The following SLIT3 variants were observed in gnomAD, a reference collection of about 807,000 sequenced individuals.
SLIT3 encodes the protein slit homolog 3 protein.
In SLIT3, 68 loss-of-function variants were observed where a neutral mutation model predicts 184.0. The ratio of observed to expected loss-of-function variants is 0.37; its 90% CI spans 0.30 to 0.45. The LOEUF (loss-of-function observed/expected upper bound fraction) is 0.45. Ranked by LOEUF, SLIT3 falls within the 20% of genes least tolerant of loss-of-function variation. The pLI, the probability that SLIT3 is intolerant of heterozygous loss-of-function variation, is 1.00. For missense variants in SLIT3, 1,707 were observed against 2,026.0 expected (o/e 0.84, Z 3.02); for synonymous variants, 831 against 828.6 (o/e 1.00, Z -0.05).
intron 4 of SLIT3, among the ~76,000 whole-genome samples, chr5:169,031,048 C>A (rs1757008547): frequency 6.6e-6 from 1 of 152,210 alleles, no homozygotes; most frequent in African/African-American, 2.4e-5. Context: ...AAGCCCCTGA[C>A]AGGTCCTCAT....
chr5:169,290,092 C>T (rs1334975315), intron 1 of SLIT3, among the ~76,000 whole-genome samples: 3 of 151,756 alleles, frequency 2.0e-5, no homozygotes, highest in Admixed American at 6.6e-5. Context: ...TACACTAGGG[C>T]ATACGCCAGG....
In SLIT3 at chr5:168,813,737, A is replaced by C. The variant is rs142323194; in HGVS notation, c.793+3563T>G. Among the ~76,000 whole-genome samples, 177 of 152,320 alleles carry C rather than the reference A, an allele frequency of 1.2e-3. 5 individuals carry two copies. The East Asian group carries it at 0.026, about 23-fold the overall frequency. On this transcript the variant is annotated intron_variant, in intron 8 of 35. Transcript: ENST00000519560. ...CATATCCAGGGCTTCTGGGGAGAAG[A>C]AGCTGGGCTCCAGACAGCTGGATTT...
intron 4 of SLIT3, among the ~76,000 whole-genome samples, chr5:168,991,131 T>A (rs1755310668): frequency 6.6e-6 from 1 of 152,210 alleles, no homozygotes; most frequent in South Asian, 2.1e-4. Context: ...TTGCTTCCCA[T>A]CAAGAATATC....
rs141744343 is a variant in SLIT3, at chr5:169,043,737, A to G, written c.413+149742T>C. On this transcript the variant is annotated intron_variant, in intron 4 of 35. Coordinates refer to ENST00000519560, the MANE Select transcript of SLIT3 (RefSeq NM_003062.4). Reference sequence around the variant, plus strand: ...AAGCAAGAGACTGTGAGAGAAAGCAATGAGTTTCTCCATTCCCCACTCCAG... The same window carrying G: ...AAGCAAGAGACTGTGAGAGAAAGCAGTGAGTTTCTCCATTCCCCACTCCAG... 8.8e-3 allele frequency among the ~76,000 whole-genome samples: 1,333 copies of G among 152,332 alleles called. 24 individuals carry two copies. Among genetic ancestry groups the G allele is most frequent in the African/African-American group, 0.03 (1,248 of 41,582 alleles).
intron 27 of SLIT3, among the ~76,000 whole-genome samples, chr5:168,699,536 G>C (rs1243529493): frequency 6.6e-6 from 1 of 152,234 alleles, no homozygotes; most frequent in Non-Finnish European, 1.5e-5. Context: ...AAGCAGGAAG[G>C]GGTCCTGAGG....
chr5:169,011,116 C>T (rs971265502), intron 4 of SLIT3, among the ~76,000 whole-genome samples: 2 of 152,130 alleles, frequency 1.3e-5, no homozygotes, highest in African/African-American at 4.8e-5. Context: ...CCAACACCTG[C>T]TTCAGCCTCC....
intron 4 of SLIT3, among the ~76,000 whole-genome samples, chr5:169,169,680 C>T (rs297865): frequency 0.23 from 34,869 of 152,178 alleles, 4,522 homozygotes; most frequent in Middle Eastern, 0.34. Context: ...AATTAGCACA[C>T]CCCAAATTAC....
rs145799865 is a variant in SLIT3, at chr5:169,204,441, T to C, written c.342-10891A>G. On this transcript the variant is annotated intron_variant, in intron 3 of 35. Coordinates refer to ENST00000519560, the MANE Select transcript of SLIT3 (RefSeq NM_003062.4). Reference sequence around the variant, plus strand: ...AAACGGGTTGATAGCTAGGAGAGAATGTGGTCAAGTCGGGTTTTATTGTTT... The same window carrying C: ...AAACGGGTTGATAGCTAGGAGAGAACGTGGTCAAGTCGGGTTTTATTGTTT... Among the ~76,000 whole-genome samples the C allele has an allele frequency of 2.6e-5, 4 of 152,140 alleles. No individual in the cohort carries two copies. The East Asian group carries it at 7.7e-4, about 29-fold the overall frequency.
At chr5:168,852,525 G>C (rs141509376) in intron 5 of SLIT3, among the ~76,000 whole-genome samples, 98 of 152,270 alleles carry the variant, frequency 6.4e-4, no homozygotes, top group African/African-American at 2.2e-3. Flanking sequence ...CCCCACTCAG[G>C]GTCGAGGACA....
intron 3 of SLIT3, among the ~76,000 whole-genome samples, chr5:169,203,351 GCA>G (rs36206656): frequency 0.064 from 9,406 of 147,384 alleles, 318 homozygotes; most frequent in Middle Eastern, 0.12. Context: ...ATGTGAATGT[GCA>G]CACACACACA....
intron 4 of SLIT3, among the ~76,000 whole-genome samples, chr5:168,883,681 T>TC (rs1326727435): frequency 4.6e-4 from 18 of 39,312 alleles, no homozygotes; most frequent in South Asian, 2.5e-3. Context: ...CTGCCCCCCA[T>TC]CCCCCCAACC....
chr5:168,848,993 A>C lies in SLIT3; in HGVS notation c.486-4338T>G, dbSNP rs566119851. ...GTTAAAAAACTGACTACAATTTAAAAAGCTTCTAACTATCTCCCAACAGTA... is the reference window on the plus strand; with the variant it reads ...GTTAAAAAACTGACTACAATTTAAACAGCTTCTAACTATCTCCCAACAGTA... On this transcript the variant is annotated intron_variant, in intron 5 of 35. Coordinates refer to ENST00000519560, the MANE Select transcript of SLIT3 (RefSeq NM_003062.4). Among the ~76,000 whole-genome samples, 6 of 152,330 alleles carry C rather than the reference A, an allele frequency of 3.9e-5. No individual in the cohort carries two copies. In the East Asian group the frequency reaches 1.2e-3, roughly 29 times the overall value.
intron 4 of SLIT3, among the ~76,000 whole-genome samples, chr5:169,104,052 C>T (rs927673896): frequency 3.9e-5 from 6 of 152,246 alleles, no homozygotes; most frequent in Non-Finnish European, 5.9e-5. Context: ...AATACTGGGC[C>T]TGATGCATTA....
intron 4 of SLIT3, among the ~76,000 whole-genome samples, chr5:169,072,136 G>A (rs965140370): frequency 1.3e-5 from 2 of 152,140 alleles, no homozygotes; most frequent in Non-Finnish European, 2.9e-5. Context: ...CAAATAGAGG[G>A]GTCTTCCTGC....
chr5:169,108,158 C>T (rs1355495891), intron 4 of SLIT3, among the ~76,000 whole-genome samples: 16 of 152,196 alleles, frequency 1.1e-4, no homozygotes, highest in Admixed American at 1.0e-3. Context: ...CCAGTAGCTA[C>T]TCAATGAACA....
intron 4 of SLIT3, among the ~76,000 whole-genome samples, chr5:168,919,031 C>A (rs62377192): frequency 6.6e-6 from 1 of 151,974 alleles, no homozygotes; most frequent in African/African-American, 2.4e-5. Flanking sequence ...GAGGCTGAGG[C>A]GGGTGGATCA....
intron 4 of SLIT3, among the ~76,000 whole-genome samples, chr5:168,966,056 T>C (rs986646241): frequency 3.3e-5 from 5 of 152,208 alleles, no homozygotes; most frequent in Admixed American, 6.5e-5. Flanking sequence ...AGATGCTATA[T>C]TGATTATGAG....
At chr5:168,997,501 C>G (rs917574804) in intron 4 of SLIT3, among the ~76,000 whole-genome samples, 1 of 152,028 alleles carries the variant, frequency 6.6e-6, no homozygotes, top group African/African-American at 2.4e-5. Flanking sequence ...GGGAGGTATG[C>G]GTGGGGCCCA....
At chr5:168,920,922 C>A (rs1375676764) in intron 4 of SLIT3, among the ~76,000 whole-genome samples, 1 of 152,176 alleles carries the variant, frequency 6.6e-6, no homozygotes, top group East Asian at 1.9e-4. Flanking sequence ...ATCGCTCATT[C>A]CTTCATTTAT....
Sources: gnomAD v4.1 joint callset for allele counts (sites outside exome capture counted in the v4.1 genomes callset) on GRCh38, gnomAD v4.1.1 for gene constraint, MANE v1.5 for transcripts, NCBI Gene and HGNC (gene_info 2026-07-23, HGNC 2026-07-21) for gene names.